The following CNTN1 variants were observed in gnomAD, a reference collection of about 807,000 sequenced individuals.
CNTN1 encodes contactin 1, also known as contactin-1.
In CNTN1, 38 loss-of-function variants were observed where a neutral mutation model predicts 126.4. The ratio of observed to expected loss-of-function variants is 0.30; its 90% CI spans 0.23 to 0.39. The LOEUF (loss-of-function observed/expected upper bound fraction) is 0.39, where lower values mean the gene tolerates loss of function less well. Ranked by LOEUF, CNTN1 falls within the 10% of genes least tolerant of loss-of-function variation. The pLI is 1.00. For synonymous variants in CNTN1, 413 were observed against 422.6 expected (o/e 0.98, Z 0.28); for missense variants, 1,009 against 1,248.4 (o/e 0.81, Z 2.89).
intron 17 of CNTN1, among the ~76,000 whole-genome samples, chr12:41,009,811 A>C (rs977154382): frequency 8.5e-5 from 13 of 152,178 alleles, no homozygotes; most frequent in Admixed American, 7.9e-4. Context: ...CCTAGCAGTT[A>C]CAGCTCAACT....
chr12:41,043,106 T>C (rs1949455971), intron 23 of CNTN1, among the ~76,000 whole-genome samples: 2 of 152,128 alleles, frequency 1.3e-5, no homozygotes, highest in South Asian at 4.1e-4. Flanking sequence ...ACTTCATGTC[T>C]AAAACACCAA....
rs201055499 is a variant in CNTN1 at position 40,908,474 on chromosome 12, T to C, written c.42T>C (p.Ser14=). 16 of 1,610,056 alleles carry C rather than the reference T, an allele frequency of 9.9e-6. No individual in the cohort carries two copies. In the East Asian group the frequency reaches 3.6e-4, roughly 36 times the overall value. Reference sequence around the variant, plus strand: ...TGGTCAGTCATCTTGTGATAATATCTATTACTACCTGTTTAGCAGGTAAGA... The same window carrying C: ...TGGTCAGTCATCTTGTGATAATATCCATTACTACCTGTTTAGCAGGTAAGA... ...WLLVSHLVII[S]ITTCLAEFTW... The change falls in exon 2 of 24, where the codon TCT becomes TCC. Residue 14 remains serine (S), a synonymous_variant. Coordinates refer to ENST00000551295, the MANE Select transcript of CNTN1 (RefSeq NM_001843.4).
intron 1 of CNTN1, among the ~76,000 whole-genome samples, chr12:40,740,200 TAATC>T (rs1010241286): frequency 4.6e-5 from 7 of 152,066 alleles, no homozygotes; most frequent in African/African-American, 1.7e-4. Context: ...AGTATGTAAA[TAATC>T]ATAGTTACAT....
chr12:40,764,914 A>G (rs1003871692), intron 1 of CNTN1, among the ~76,000 whole-genome samples: 28 of 152,260 alleles, frequency 1.8e-4, no homozygotes, highest in Non-Finnish European at 3.7e-4. Context: ...CTTTTGGTTT[A>G]TGATTTCAAA....
chr12:40,745,789 G>C (rs184284986), intron 1 of CNTN1, among the ~76,000 whole-genome samples: 1 of 152,114 alleles, frequency 6.6e-6, no homozygotes, highest in Non-Finnish European at 1.5e-5. Context: ...CATATTCGGG[G>C]TTAAAATATT....
intron 1 of CNTN1, among the ~76,000 whole-genome samples, chr12:40,778,048 A>G (rs1234017750): frequency 1.3e-5 from 2 of 151,868 alleles, no homozygotes; most frequent in Non-Finnish European, 2.9e-5. Flanking sequence ...AAATCATTAA[A>G]CATGTCTTCA....
intron 1 of CNTN1, among the ~76,000 whole-genome samples, chr12:40,770,071 T>C (rs1163487706): frequency 6.6e-6 from 1 of 152,154 alleles, no homozygotes; most frequent in East Asian, 1.9e-4. Context: ...TGTAACCCTA[T>C]TGAGATTGGA....
chr12:40,723,052 A>G (rs1031609526), intron 1 of CNTN1, among the ~76,000 whole-genome samples: 1 of 152,026 alleles, frequency 6.6e-6, no homozygotes. Context: ...TTTATTGTCT[A>G]TGAAATATTA....
chr12:40,705,127 G>A (rs1161314827), intron 1 of CNTN1, among the ~76,000 whole-genome samples: 1 of 152,148 alleles, frequency 6.6e-6, no homozygotes, highest in Non-Finnish European at 1.5e-5. Context: ...GAAGTGTCAT[G>A]CCAAGGTATA....
chr12:41,061,434 CCAAA>C (rs1474917189), intron 23 of CNTN1, among the ~76,000 whole-genome samples: 2 of 152,222 alleles, frequency 1.3e-5, no homozygotes, highest in East Asian at 1.9e-4. Flanking sequence ...TGTACCTCTG[CCAAA>C]CAAACAAAGA....
intron 1 of CNTN1, among the ~76,000 whole-genome samples, chr12:40,907,837 A>G (rs1944886997): frequency 6.6e-6 from 1 of 152,170 alleles, no homozygotes; most frequent in African/African-American, 2.4e-5. Context: ...TCTGGCAAAA[A>G]TTTTCCTTAA....
At chr12:40,810,478 T>C (rs1057319784) in intron 1 of CNTN1, among the ~76,000 whole-genome samples, 4 of 152,208 alleles carry the variant, frequency 2.6e-5, no homozygotes, top group Non-Finnish European at 5.9e-5. Flanking sequence ...ACGTGAGGTC[T>C]CTAGAACTTA....
At chr12:40,722,076 C>T (rs541670810) in intron 1 of CNTN1, among the ~76,000 whole-genome samples, 1 of 152,240 alleles carries the variant, frequency 6.6e-6, no homozygotes, top group African/African-American at 2.4e-5. Flanking sequence ...TGGGGAACAA[C>T]AGGCTTCTCT....
rs141404017 is a variant in CNTN1 at position 40,775,903 on chromosome 12, G to A, written c.-77+83311G>A. Among the ~76,000 whole-genome samples, 501 of 151,714 alleles carry A rather than the reference G, an allele frequency of 3.3e-3. 2 individuals are homozygous for A. The highest frequency in any genetic ancestry group is 5.9e-3 in the Non-Finnish European group (402 of 67,650). On this transcript the variant is annotated intron_variant, in intron 1 of 23. Coordinates refer to ENST00000551295, the MANE Select transcript of CNTN1 (RefSeq NM_001843.4). ...AATGTGAGTCAAAAACGTAGTGTAA[G>A]TAGTATGTTGTCACTGCATAGTTAC...
chr12:40,760,342 A>C (rs1938808191), intron 1 of CNTN1, among the ~76,000 whole-genome samples: 2 of 152,208 alleles, frequency 1.3e-5, no homozygotes, highest in African/African-American at 4.8e-5. Flanking sequence ...AGATGACTAT[A>C]TATCAAAATT....
chr12:41,046,461 T>A (rs1949541862), intron 23 of CNTN1, among the ~76,000 whole-genome samples: 1 of 152,148 alleles, frequency 6.6e-6, no homozygotes. Context: ...GATCCTGTTA[T>A]TTAATGTGTT....
chr12:40,908,984 AAATT>A, intron 2 of CNTN1, among the ~76,000 whole-genome samples: 1 of 152,178 alleles, frequency 6.6e-6, no homozygotes. Flanking sequence ...ATTCATTTGT[AAATT>A]AATACAATTT....
intron 23 of CNTN1, among the ~76,000 whole-genome samples, chr12:41,042,355 A>G (rs1235508752): frequency 2.0e-5 from 3 of 152,008 alleles, no homozygotes; most frequent in Non-Finnish European, 4.4e-5. Flanking sequence ...CAATTTTGGA[A>G]TAGGTGTGGT....
intron 20 of CNTN1, among the ~76,000 whole-genome samples, chr12:41,024,124 C>A (rs1416982649): frequency 6.6e-6 from 1 of 152,132 alleles, no homozygotes; most frequent in Non-Finnish European, 1.5e-5. Flanking sequence ...ATAAACCTCA[C>A]TTTTGTGAAG....
Sources: gnomAD v4.1 joint callset for allele counts (sites outside exome capture counted in the v4.1 genomes callset) on GRCh38, gnomAD v4.1.1 for gene constraint, MANE v1.5 for transcripts, NCBI Gene and HGNC (gene_info 2026-07-23, HGNC 2026-07-21) for gene names.